Variants in CYYR1 observed in about 807,000 individuals in gnomAD.
CYYR1 encodes the protein cysteine and tyrosine-rich protein 1.
In CYYR1, 14 loss-of-function variants were observed where a neutral mutation model predicts 15.2. The observed-to-expected ratio is 0.92, with a 90% CI of 0.61 to 1.44. The LOEUF (loss-of-function observed/expected upper bound fraction) is 1.44. CYYR1 is among the 40% of genes most tolerant of loss of function. The pLI is 0.00. For missense variants in CYYR1, 228 were observed against 209.5 expected, an observed-to-expected ratio of 1.09 and a Z score of -0.54; for synonymous variants, 80 against 77.4, an observed-to-expected ratio of 1.03 and a Z score of -0.18.
At chr21:26,492,141 A>C (rs1168461691) in intron 2 of CYYR1, among the ~76,000 whole-genome samples, 1 of 152,210 alleles carries the variant, frequency 6.6e-6, no homozygotes, top group African/African-American at 2.4e-5. Flanking sequence ...ACCTATTTTC[A>C]TCATAGCATC....
intron 2 of CYYR1, among the ~76,000 whole-genome samples, chr21:26,557,516 T>C (rs1466944533): frequency 2.0e-5 from 3 of 152,110 alleles, no homozygotes; most frequent in African/African-American, 7.2e-5. Flanking sequence ...ACAAGGAGTG[T>C]ATTCAGGTTG....
chr21:26,476,135 A>G (rs1023654046), intron 3 of CYYR1, among the ~76,000 whole-genome samples: 1 of 152,114 alleles, frequency 6.6e-6, no homozygotes, highest in African/African-American at 2.4e-5. Flanking sequence ...TTATTTCTTA[A>G]TGAAGTATTT....
rs1160372250 is a variant in CYYR1 at position 26,476,026 on chromosome 21, T to A, written c.334+4246A>T. Reference sequence around the variant, plus strand: ...TTAGTATGAACATGAGCTTGTGATCTCTAAAAAGGTTTGATGAGTACTCAG... The same window carrying A: ...TTAGTATGAACATGAGCTTGTGATCACTAAAAAGGTTTGATGAGTACTCAG... On this transcript the variant is annotated intron_variant, in intron 3 of 3. Transcript: ENST00000652641. Among the ~76,000 whole-genome samples the A allele has an allele frequency of 2.6e-5, 4 of 152,298 alleles. No homozygotes were observed. The East Asian group carries it at 7.7e-4, about 29-fold the overall frequency.
Position 26,468,646 on chromosome 21 carries a change from G to T in CYYR1, c.335-12C>A. On this transcript the variant is annotated splice_polypyrimidine_tract_variant and intron_variant, in intron 3 of 3. Coordinates refer to ENST00000652641, the MANE Select transcript of CYYR1 (RefSeq NM_001320768.2). ...GGGTGGTGGTCCTGCTGAAAAAGAA[G>T]GGGAAGAGAACATCAAGGAGTTAGC... 1 of 1,581,370 alleles carries T rather than the reference G, an allele frequency of 6.3e-7. No individual in the cohort carries two copies. Among genetic ancestry groups the T allele is most frequent in the Non-Finnish European group, 8.6e-7 (1 of 1,159,118 alleles).
chr21:26,468,749 TC>T lies in CYYR1; in HGVS notation c.335-116del, dbSNP rs1268806049. On this transcript the variant is annotated intron_variant, in intron 3 of 3. Transcript: ENST00000652641. ...GGGACATAAATTGTGGCTGCAAAAA[TC>T]TTAGTTTTATTAGGTCAGGACCACA... 4 of 781,058 alleles carry T rather than the reference TC, an allele frequency of 5.1e-6. No homozygotes were observed. The East Asian group carries it at 1.0e-4, about 19-fold the overall frequency. 48.4% of individuals were successfully genotyped at this position (781,058 alleles called of 1,614,324 possible).
At chr21:26,543,301 TAACA>T (rs1431733655) in intron 2 of CYYR1, among the ~76,000 whole-genome samples, 1 of 152,268 alleles carries the variant, frequency 6.6e-6, no homozygotes, top group Non-Finnish European at 1.5e-5. Flanking sequence ...TTTACCTATG[TAACA>T]AACCTGCACA....
At chr21:26,477,908 T>C (rs572181067) in intron 3 of CYYR1, 1 of 1,304,210 alleles carries the variant, frequency 7.7e-7, no homozygotes, top group Admixed American at 3.8e-5. Context: ...TTCTTGCAAG[T>C]TGGGAATATT....
intron 2 of CYYR1, among the ~76,000 whole-genome samples, chr21:26,521,999 A>G (rs926647248): frequency 4.6e-5 from 7 of 152,326 alleles, no homozygotes; most frequent in Admixed American, 3.9e-4. Flanking sequence ...AATGAATTCT[A>G]TCTGAAGTGA....
chr21:26,508,796 C>A lies in CYYR1; in HGVS notation c.177-28367G>T, dbSNP rs374007924. Among the ~76,000 whole-genome samples the A allele has an allele frequency of 1.3e-4, 20 of 152,222 alleles. No individual in the cohort carries two copies. The South Asian group carries it at 4.2e-3, about 32-fold the overall frequency. ...ATCCTTGCAAGGATCTATTTGATAA[C>A]TTTATGGCAAGTGTTTCAAATCAGA... On this transcript the variant is annotated intron_variant, in intron 2 of 3. Transcript: ENST00000652641.
intron 2 of CYYR1, among the ~76,000 whole-genome samples, chr21:26,523,971 A>G (rs1243650851): frequency 3.3e-5 from 5 of 152,210 alleles, no homozygotes; most frequent in Admixed American, 6.5e-5. Context: ...TTGTGGCTCA[A>G]TGAATGAGCT....
intron 2 of CYYR1, among the ~76,000 whole-genome samples, chr21:26,554,510 C>G (rs1325784113): frequency 2.0e-5 from 3 of 152,072 alleles, no homozygotes; most frequent in Non-Finnish European, 4.4e-5. Flanking sequence ...CACTGGGCAG[C>G]AGGACACCGT....
At chr21:26,474,042 G>C (rs1307120847) in intron 3 of CYYR1, among the ~76,000 whole-genome samples, 1 of 117,952 alleles carries the variant, frequency 8.5e-6, no homozygotes, top group African/African-American at 3.0e-5. Context: ...TGTGTTTTTT[G>C]TTTTCGTTTT....
chr21:26,469,360 A>G (rs188710286), intron 3 of CYYR1, among the ~76,000 whole-genome samples: 24 of 152,270 alleles, frequency 1.6e-4, no homozygotes, highest in Admixed American at 8.5e-4. Context: ...AAGACAAAAA[A>G]GGAGGACAAG....
In CYYR1 at chr21:26,466,792, T is replaced by A. The variant is rs1281274742; in HGVS notation, c.*1709A>T. On this transcript the variant is annotated 3_prime_UTR_variant, in exon 4 of 4. Coordinates refer to ENST00000652641, the MANE Select transcript of CYYR1 (RefSeq NM_001320768.2). The stretch of plus-strand genomic sequence containing the variant: ...AATTGCACTGAAAACTTTATGTAAG[T>A]CAGGGAGCCCCTCACCAGAACAGGC... 1 of 152,144 alleles carries A rather than the reference T, an allele frequency of 6.6e-6. No individual in the cohort carries two copies. The highest frequency in any genetic ancestry group is 1.5e-5 in the Non-Finnish European group (1 of 68,010). 9.4% of individuals were successfully genotyped at this position (152,144 alleles called of 1,614,324 possible).
chr21:26,520,071 C>G (rs2123555935), intron 2 of CYYR1, among the ~76,000 whole-genome samples: 1 of 142,200 alleles, frequency 7.0e-6, no homozygotes, highest in East Asian at 2.1e-4. Flanking sequence ...TGAAATCATG[C>G]CTTCTTTTTC....
chr21:26,539,131 C>A (rs1978373087), intron 2 of CYYR1, among the ~76,000 whole-genome samples: 2 of 152,116 alleles, frequency 1.3e-5, no homozygotes, highest in African/African-American at 4.8e-5. Flanking sequence ...GCCAGAAATG[C>A]TGACTTTCAG....
chr21:26,549,961 T>C (rs1276177764), intron 2 of CYYR1, among the ~76,000 whole-genome samples: 5 of 151,290 alleles, frequency 3.3e-5, no homozygotes, highest in Non-Finnish European at 7.3e-5. Context: ...ATTTTCTTTA[T>C]TGAGTCTCAC....
chr21:26,534,381 T>G lies in CYYR1; in HGVS notation c.176+31885A>C, dbSNP rs561728791. Among the ~76,000 whole-genome samples the G allele has an allele frequency of 3.3e-5, 5 of 152,272 alleles. No homozygotes were observed. In the East Asian group the frequency reaches 9.7e-4, roughly 29 times the overall value. ...ATTGCATCTCTATTATGTGTTAATG[T>G]GCTGAATCTTTTCTTGCCCCTCCTG... On this transcript the variant is annotated intron_variant, in intron 2 of 3. Coordinates refer to ENST00000652641, the MANE Select transcript of CYYR1 (RefSeq NM_001320768.2).
chr21:26,547,779 CTT>C (rs11298777), intron 2 of CYYR1, among the ~76,000 whole-genome samples: 20,518 of 143,416 alleles, frequency 0.14, 1,472 homozygotes, highest in South Asian at 0.19. Context: ...TCTATTTCTA[CTT>C]TTTTTTTTTT....
Sources: allele counts gnomAD v4.1 joint callset (sites outside exome capture counted in the v4.1 genomes callset), GRCh38; gene constraint gnomAD v4.1.1; transcripts MANE v1.5; gene names NCBI Gene and HGNC (gene_info 2026-07-23, HGNC 2026-07-21).